Variants in TTLL7 observed in about 807,000 individuals in gnomAD.
TTLL7 encodes tubulin polyglutamylase TTLL7.
TTLL7 carries 53 observed loss-of-function variants against 120.2 expected under a neutral mutation model. The ratio of observed to expected loss-of-function variants is 0.44; its 90% confidence interval spans 0.35 to 0.55. The LOEUF is 0.55. Ranked by LOEUF, TTLL7 falls within the 20% of genes least tolerant of loss-of-function variation. The probability of loss-of-function intolerance (pLI) is 0.00; values close to 1 mark genes in which losing one functional copy is unlikely to be tolerated. For missense variants in TTLL7, 803 were observed against 1,054.7 expected, an observed-to-expected ratio of 0.76 and a Z score of 3.31; for synonymous variants, 353 against 351.7, an observed-to-expected ratio of 1.00 and a Z score of -0.04.
At chr1:83,945,320 T>A (rs1487194090) in intron 6 of TTLL7, among the ~76,000 whole-genome samples, 1 of 152,110 alleles carries the variant, frequency 6.6e-6, no homozygotes, top group African/African-American at 2.4e-5. Context: ...GATATTGCAA[T>A]AAAACAGTAA....
chr1:83,871,794 G>T (rs1653429082), intron 20 of TTLL7, among the ~76,000 whole-genome samples: 1 of 151,646 alleles, frequency 6.6e-6, no homozygotes, highest in Non-Finnish European at 1.5e-5. Flanking sequence ...CTACTCCAGA[G>T]GCTGAGGCAG....
chr1:83,884,683 T>C (rs546898129), intron 19 of TTLL7, among the ~76,000 whole-genome samples: 3 of 129,388 alleles, frequency 2.3e-5, no homozygotes, highest in East Asian at 4.5e-4. Context: ...TGAGAACACA[T>C]GGACACAGGA....
chr1:83,991,673 A>C (rs780579219), intron 1 of TTLL7, among the ~76,000 whole-genome samples: 1 of 152,150 alleles, frequency 6.6e-6, no homozygotes, highest in African/African-American at 2.4e-5. Flanking sequence ...TATTAAAAAT[A>C]ATGCTACAAA....
chr1:83,873,672 G>A (rs545058016), intron 20 of TTLL7, among the ~76,000 whole-genome samples: 1 of 152,076 alleles, frequency 6.6e-6, no homozygotes, highest in South Asian at 2.1e-4. Flanking sequence ...ATTATATTAA[G>A]TACAAACATA....
chr1:83,951,961 G>A lies in TTLL7; in HGVS notation c.41C>T (p.Ser14Phe). Residue 14 changes from serine (S) to phenylalanine (F), a missense_variant, in exon 3 of 21, where the codon TCT becomes TTT. Ser to Phe is a radical substitution (Grantham distance 155). Transcript: ENST00000260505. ...LPQEGVIQGP[S>F]PLDLNTELPY... Reference sequence around the variant, plus strand: ...TAATTCTGTATTCAAATCCAGGGGAGAGGGTCCCTGAATAACTTTAAAAAA... The same window carrying A: ...TAATTCTGTATTCAAATCCAGGGGAAAGGGTCCCTGAATAACTTTAAAAAA... The A allele has an allele frequency of 6.2e-7, 1 of 1,606,544 alleles. No homozygotes were observed. The highest frequency in any genetic ancestry group is 8.5e-7 in the Non-Finnish European group (1 of 1,178,092).
At chr1:83,889,867 C>A in intron 19 of TTLL7, 1 of 455,460 alleles carries the variant, frequency 2.2e-6, no homozygotes, top group Non-Finnish European at 4.4e-6. Context: ...ACTTGTATGA[C>A]TGAGAGAATA....
At chr1:83,960,195 A>T (rs904845622) in intron 1 of TTLL7, among the ~76,000 whole-genome samples, 1 of 152,168 alleles carries the variant, frequency 6.6e-6, no homozygotes, top group African/African-American at 2.4e-5. Flanking sequence ...TATAAATCAT[A>T]CTGCTGAAAC....
At chr1:83,887,776 C>T (rs1285335961) in intron 19 of TTLL7, among the ~76,000 whole-genome samples, 1 of 151,996 alleles carries the variant, frequency 6.6e-6, no homozygotes, top group African/African-American at 2.4e-5. Flanking sequence ...CAGGCTCATA[C>T]AGTTACTATG....
chr1:83,904,181 A>G (rs1656988447), intron 17 of TTLL7, 22 bp from the exon 18 acceptor site: 1 of 1,591,290 alleles, frequency 6.3e-7, no homozygotes, highest in Non-Finnish European at 8.6e-7. Flanking sequence ...GAGGAACATT[A>G]AGAAATTTAC....
At chr1:83,955,257 C>T (rs1455555981) in intron 1 of TTLL7, among the ~76,000 whole-genome samples, 1 of 152,120 alleles carries the variant, frequency 6.6e-6, no homozygotes, top group Non-Finnish European at 1.5e-5. Context: ...CTATCTTGTT[C>T]ACTCCTCCAT....
rs1655645553 is a variant in TTLL7, at chr1:83,892,417, C to CGAAT, written c.2209-1937_2209-1936insATTC. On this transcript the variant is annotated intron_variant, in intron 18 of 20. Coordinates refer to ENST00000260505, the MANE Select transcript of TTLL7 (RefSeq NM_024686.6). ...GAATATATATGAACATATATATGAA[C>CGAAT]ATATATATGAACATATATATGAACA... 4.8e-5 allele frequency among the ~76,000 whole-genome samples: 3 copies of CGAAT among 62,654 alleles called. 1 individual carries two copies. Among genetic ancestry groups the CGAAT allele is most frequent in the South Asian group, 1.2e-3 (2 of 1,738 alleles). The allele number at this position is 62,654 out of a possible 152,430, so 41.1% of individuals were successfully genotyped here.
At chr1:83,940,196 A>C (rs1428029574) in intron 7 of TTLL7, among the ~76,000 whole-genome samples, 1 of 152,148 alleles carries the variant, frequency 6.6e-6, no homozygotes, top group Non-Finnish European at 1.5e-5. Context: ...CACTGGACTT[A>C]AGATAATTAT....
intron 1 of TTLL7, chr1:83,979,497 T>C (rs1274108658): frequency 1.3e-5 from 2 of 152,210 alleles, no homozygotes; most frequent in Non-Finnish European, 2.9e-5. Flanking sequence ...TCCGGATCAA[T>C]GGCTGGTTGT....
At position 83,887,121 on chromosome 1, in the gene TTLL7, C is replaced by A. The variant is rs372811530; in HGVS notation, c.2369+3200G>T. Reference sequence around the variant, plus strand: ...TGGCCAACTCTAGGGAAACCTACCACAAAGATCTACATTACTCTGGTGTTT... The same window carrying A: ...TGGCCAACTCTAGGGAAACCTACCAAAAAGATCTACATTACTCTGGTGTTT... On this transcript the variant is annotated intron_variant, in intron 19 of 20. Transcript: ENST00000260505. 1.0e-5 allele frequency: 6 copies of A among 600,778 alleles called. No homozygotes were observed. In the East Asian group the frequency reaches 5.0e-4, roughly 50 times the overall value. The allele number at this position is 600,778 out of a possible 1,614,324, so 37.2% of individuals were successfully genotyped here. A position where few individuals can be genotyped will look rare whatever the true frequency, so the allele number is the denominator to read the frequency against.
At position 83,915,145 on chromosome 1, in the gene TTLL7, C is replaced by A. The variant is rs1188234978; in HGVS notation, c.1587+2459G>T. On this transcript the variant is annotated intron_variant, in intron 14 of 20. Coordinates refer to ENST00000260505, the MANE Select transcript of TTLL7 (RefSeq NM_024686.6). ...GGAGCCTCAAACAACAAGTCAATGA[C>A]TTTTTTTTTTAGTAGGAAGACATTT... Among the ~76,000 whole-genome samples the A allele has an allele frequency of 3.7e-4, 55 of 148,562 alleles. No homozygotes were observed. In the Admixed American group the frequency reaches 3.7e-3, roughly 10 times the overall value.
At chr1:83,909,794 TCCC>T (rs1017852278) in intron 15 of TTLL7, among the ~76,000 whole-genome samples, 4 of 151,922 alleles carry the variant, frequency 2.6e-5, no homozygotes, top group African/African-American at 9.7e-5. Context: ...CCTGTCCTCA[TCCC>T]CCATCAGTTC....
At chr1:83,952,055 C>T in intron 2 of TTLL7, 79 bp from the exon 3 acceptor site, 1 of 1,519,602 alleles carries the variant, frequency 6.6e-7, no homozygotes, top group South Asian at 1.2e-5. Context: ...ACCCCCACCC[C>T]ACACCAAGGT....
rs112300853 is a variant in TTLL7, at chr1:83,958,984, T to C, written c.-176-6597A>G. Among the ~76,000 whole-genome samples, 75 of 152,308 alleles carry C rather than the reference T, an allele frequency of 4.9e-4. No homozygotes were observed. In the Middle Eastern group the frequency reaches 0.02, roughly 41 times the overall value. On this transcript the variant is annotated intron_variant, in intron 1 of 20. Transcript: ENST00000260505. ...TTTATCATTATGCAGATACAAATTT[T>C]TGAACTTAAAGCCCTTCTTTAAAAC...
At chr1:83,975,973 A>AC (rs1197137285) in intron 1 of TTLL7, among the ~76,000 whole-genome samples, 6 of 151,886 alleles carry the variant, frequency 4.0e-5, no homozygotes, top group Non-Finnish European at 8.8e-5. Flanking sequence ...GCCAGAGTGC[A>AC]CAGCATGTAG....
Sources: allele counts gnomAD v4.1 joint callset (sites outside exome capture counted in the v4.1 genomes callset), GRCh38; gene constraint gnomAD v4.1.1; transcripts MANE v1.5; gene names NCBI Gene and HGNC (gene_info 2026-07-23, HGNC 2026-07-21).